UGT1A9: variants seen among roughly 807,000 people sequenced by gnomAD.
UGT1A9 encodes UDP-glucuronosyltransferase 1A9.
In UGT1A9, 35 loss-of-function variants were observed where a neutral mutation model predicts 45.0. The observed-to-expected ratio is 0.78, with a 90% confidence interval of 0.59 to 1.03. UGT1A9 has a LOEUF of 1.03. UGT1A9 is among the 50% of genes least tolerant of loss of function. The pLI is 0.00. For synonymous variants in UGT1A9, 278 were observed against 250.6 expected, an observed-to-expected ratio of 1.11 and a Z score of -1.03; for missense variants, 687 against 666.6, an observed-to-expected ratio of 1.03 and a Z score of -0.34.
chr2:233,743,913 C>G (rs1692584630), intron 1 of UGT1A9: 1 of 1,365,508 alleles, frequency 7.3e-7, no homozygotes, highest in Non-Finnish European at 9.8e-7. Context: ...TAGTAGTCCA[C>G]CATGCTGGAT....
intron 1 of UGT1A9, among the ~76,000 whole-genome samples, chr2:233,685,234 T>C (rs1346351842): frequency 2.0e-5 from 3 of 152,148 alleles, no homozygotes; most frequent in Non-Finnish European, 1.5e-5. Context: ...GGTTTCACCA[T>C]GTTGGCCAGG....
At chr2:233,755,119 C>A (rs2125932041) in intron 1 of UGT1A9, 1 of 1,329,394 alleles carries the variant, frequency 7.5e-7, no homozygotes. Context: ...TCGTAGGCCT[C>A]AGCCACCTGC....
intron 1 of UGT1A9, among the ~76,000 whole-genome samples, chr2:233,720,845 G>A (rs1182683135): frequency 1.3e-5 from 2 of 150,558 alleles, no homozygotes; most frequent in African/African-American, 2.5e-5. Flanking sequence ...AACTGGGACT[G>A]CAGGCATGTG....
chr2:233,713,183 G>A (rs2076288608), intron 1 of UGT1A9: 12 of 1,614,100 alleles, frequency 7.4e-6, no homozygotes, highest in Non-Finnish European at 1.0e-5. Flanking sequence ...TCACCCTGGA[G>A]GTGAATATGT....
chr2:233,690,773 A>G, intron 1 of UGT1A9: 1 of 1,068,048 alleles, frequency 9.4e-7, no homozygotes, highest in Admixed American at 4.3e-5. Context: ...ACACACACAC[A>G]CATACACACA....
chr2:233,747,283 C>A (rs1693610010), intron 1 of UGT1A9: 1 of 1,600,180 alleles, frequency 6.2e-7, no homozygotes, highest in Admixed American at 1.7e-5. Flanking sequence ...CAGTGCCCAG[C>A]CCTGGGCTGA....
intron 1 of UGT1A9, among the ~76,000 whole-genome samples, chr2:233,700,813 C>T (rs1389700095): frequency 6.6e-6 from 1 of 151,890 alleles, no homozygotes; most frequent in African/African-American, 2.4e-5. Context: ...TGTTGGTGTG[C>T]TGCACCCATT....
At chr2:233,765,565 G>A (rs1156273508) in intron 1 of UGT1A9, among the ~76,000 whole-genome samples, 1 of 152,072 alleles carries the variant, frequency 6.6e-6, no homozygotes, top group Non-Finnish European at 1.5e-5. Context: ...GTGAGAATGC[G>A]TAGACGCAGG....
chr2:233,689,650 T>C (rs372119020), intron 1 of UGT1A9, among the ~76,000 whole-genome samples: 2 of 152,280 alleles, frequency 1.3e-5, no homozygotes, highest in South Asian at 4.1e-4. Context: ...TGCTCATGAG[T>C]GTGACTTCCT....
intron 1 of UGT1A9, among the ~76,000 whole-genome samples, chr2:233,695,477 T>C (rs1393026251): frequency 6.6e-6 from 1 of 151,978 alleles, no homozygotes; most frequent in African/African-American, 2.4e-5. Context: ...CTTTAGATGT[T>C]TTTCTCTTTT....
intron 1 of UGT1A9, among the ~76,000 whole-genome samples, chr2:233,680,348 T>C (rs1417780955): frequency 6.6e-6 from 1 of 152,206 alleles, no homozygotes; most frequent in Non-Finnish European, 1.5e-5. Context: ...ATAAACGTCA[T>C]ATCACATGCA....
intron 1 of UGT1A9, among the ~76,000 whole-genome samples, chr2:233,707,780 T>C (rs781721068): frequency 1.7e-4 from 26 of 152,240 alleles, no homozygotes; most frequent in Middle Eastern, 3.2e-3. Context: ...TTAGAGTATA[T>C]ACCTAGGGGT....
chr2:233,681,870 A>G, intron 1 of UGT1A9: 1 of 1,539,590 alleles, frequency 6.5e-7, no homozygotes. Context: ...TTCTATCTGT[A>G]CTTCTTCCAC....
chr2:233,715,390 T>C (rs1242817087), intron 1 of UGT1A9, among the ~76,000 whole-genome samples: 1 of 152,222 alleles, frequency 6.6e-6, no homozygotes, highest in African/African-American at 2.4e-5. Flanking sequence ...GCTGTTATCA[T>C]TAAATAATAA....
At chr2:233,757,553 T>TATATATATATATATACATATAC (rs1164104376) in intron 1 of UGT1A9, among the ~76,000 whole-genome samples, 4 of 136,130 alleles carry the variant, frequency 2.9e-5, no homozygotes, top group Admixed American at 7.1e-5. Context: ...TATATATATA[T>TATATATATATATATACATATAC]ATATATATGT....
chr2:233,681,563 T>A (rs910755466), intron 1 of UGT1A9, among the ~76,000 whole-genome samples: 5 of 151,690 alleles, frequency 3.3e-5, no homozygotes, highest in African/African-American at 9.7e-5. Flanking sequence ...AATTGCAAAT[T>A]TTTCTTTGTG....
At chr2:233,709,397 A>ATG (rs1316902084) in intron 1 of UGT1A9, among the ~76,000 whole-genome samples, 2 of 152,196 alleles carry the variant, frequency 1.3e-5, no homozygotes, top group Non-Finnish European at 2.9e-5. Context: ...TTAATAATCT[A>ATG]TGGGTGAACA....
intron 1 of UGT1A9, among the ~76,000 whole-genome samples, chr2:233,766,078 C>T (rs1051764857): frequency 4.6e-5 from 7 of 152,154 alleles, no homozygotes; most frequent in African/African-American, 1.4e-4. Flanking sequence ...TCTACCTTGT[C>T]GCAAGGACAG....
chr2:233,726,899 A>G (rs1208700222), intron 1 of UGT1A9, among the ~76,000 whole-genome samples: 1 of 152,092 alleles, frequency 6.6e-6, no homozygotes, highest in Non-Finnish European at 1.5e-5. Context: ...CTTACCATTC[A>G]ATTATCTCCT....
Sources: gnomAD v4.1 joint callset for allele counts (sites outside exome capture counted in the v4.1 genomes callset) on GRCh38, gnomAD v4.1.1 for gene constraint, MANE v1.5 for transcripts, NCBI Gene and HGNC (gene_info 2026-07-23, HGNC 2026-07-21) for gene names.